MAST4: variants seen among roughly 807,000 people sequenced by gnomAD.
MAST4 encodes the protein microtubule associated serine/threonine kinase family member 4, also known as microtubule-associated serine/threonine-protein kinase 4.
In MAST4, 89 loss-of-function variants were observed where a neutral mutation model predicts 162.7. The observed-to-expected ratio is 0.55, with a 90% CI of 0.46 to 0.65. MAST4 has a LOEUF of 0.65. Ranked by LOEUF, MAST4 falls within the 30% of genes least tolerant of loss-of-function variation. The pLI is 0.00. For missense variants in MAST4, 3,153 were observed against 3,374.0 expected, an observed-to-expected ratio of 0.93 and a Z score of 1.62; for synonymous variants, 1,479 against 1,361.1, an observed-to-expected ratio of 1.09 and a Z score of -1.91.
chr5:66,989,395 G>A (rs1047713686), intron 4 of MAST4, among the ~76,000 whole-genome samples: 1 of 152,316 alleles, frequency 6.6e-6, no homozygotes, highest in East Asian at 1.9e-4. Flanking sequence ...TGTCTTCAGA[G>A]TGGTTTGACC....
chr5:66,936,404 G>A (rs1485144855), intron 4 of MAST4, among the ~76,000 whole-genome samples: 1 of 152,190 alleles, frequency 6.6e-6, no homozygotes, highest in East Asian at 1.9e-4. Context: ...GGCTTTGTGT[G>A]AGCAATAAAG....
chr5:67,113,371 A>G (rs892206359), intron 11 of MAST4, among the ~76,000 whole-genome samples: 3 of 151,462 alleles, frequency 2.0e-5, no homozygotes, highest in Admixed American at 6.6e-5. Context: ...TGACAGTATC[A>G]TAACATCCAT....
intron 4 of MAST4, among the ~76,000 whole-genome samples, chr5:67,042,468 GGAAAA>G (rs1756867470): frequency 6.6e-6 from 1 of 151,508 alleles, no homozygotes; most frequent in Admixed American, 6.6e-5. Flanking sequence ...ATGTAAATGA[GGAAAA>G]GAAAAGACAT....
chr5:67,074,738 G>A (rs186944718), intron 5 of MAST4, among the ~76,000 whole-genome samples: 6 of 152,132 alleles, frequency 3.9e-5, no homozygotes, highest in African/African-American at 7.2e-5. Context: ...TTGTATATAC[G>A]TGTATACACT....
intron 3 of MAST4, among the ~76,000 whole-genome samples, chr5:66,867,892 A>G (rs116444658): frequency 4.9e-4 from 75 of 152,356 alleles, no homozygotes; most frequent in Middle Eastern, 3.4e-3. Flanking sequence ...GGAGACTGAT[A>G]TCTCAGTCTG....
intron 1 of MAST4, among the ~76,000 whole-genome samples, chr5:66,655,377 A>G (rs1746480449): frequency 6.6e-6 from 1 of 152,220 alleles, no homozygotes; most frequent in African/African-American, 2.4e-5. Flanking sequence ...TGGAACCAGA[A>G]CCCAGATTTT....
At chr5:66,912,988 A>C (rs1003642515) in intron 4 of MAST4, among the ~76,000 whole-genome samples, 2 of 152,164 alleles carry the variant, frequency 1.3e-5, no homozygotes, top group Non-Finnish European at 2.9e-5. Context: ...CAAAACCACA[A>C]AACAAAACCT....
Position 67,159,925 on chromosome 5 carries a change from G to A in MAST4, c.3649-531G>A, listed in dbSNP as rs146279791. Among the ~76,000 whole-genome samples the A allele has an allele frequency of 2.4e-3, 371 of 152,222 alleles. 4 individuals carry two copies. Among genetic ancestry groups the A allele is most frequent in the African/African-American group, 8.5e-3 (355 of 41,530 alleles). On this transcript the variant is annotated intron_variant, in intron 26 of 28. Transcript: ENST00000403625. ...ATAATTAAAAATAAAAGTCTCATTC[G>A]GTTTTGTTACTCTACAATTTTTAGG...
intron 3 of MAST4, among the ~76,000 whole-genome samples, chr5:66,829,237 A>G (rs1231912948): frequency 3.9e-5 from 6 of 152,006 alleles, no homozygotes; most frequent in South Asian, 4.2e-4. Flanking sequence ...ACTCCTTTCA[A>G]TTCTGGGAAC....
chr5:67,105,695 T>A (rs1022853643), intron 10 of MAST4, among the ~76,000 whole-genome samples: 1 of 152,236 alleles, frequency 6.6e-6, no homozygotes, highest in Non-Finnish European at 1.5e-5. Flanking sequence ...CCTGGCAAAG[T>A]AAAATTGCTA....
At chr5:66,740,090 G>T (rs1453837246) in intron 1 of MAST4, among the ~76,000 whole-genome samples, 1 of 152,188 alleles carries the variant, frequency 6.6e-6, no homozygotes, top group African/African-American at 2.4e-5. Context: ...GGAACTGAGT[G>T]TGGATGTGGG....
At chr5:67,009,681 G>A (rs1232323918) in intron 4 of MAST4, among the ~76,000 whole-genome samples, 1 of 152,160 alleles carries the variant, frequency 6.6e-6, no homozygotes, top group Non-Finnish European at 1.5e-5. Flanking sequence ...AAATGAAGAT[G>A]AGTAGTGGGT....
chr5:66,715,791 T>C lies in MAST4; in HGVS notation c.364-43918T>C, dbSNP rs1028082121. Among the ~76,000 whole-genome samples, 2 of 146,242 alleles carry C rather than the reference T, an allele frequency of 1.4e-5. 1 individual carries two copies. The highest frequency in any genetic ancestry group is 1.4e-4 in the Admixed American group (2 of 14,768). ...GTTGAAATATTGCTTATTCTGACAA[T>C]AAAAATACTCATTTATGGATACAGA... On this transcript the variant is annotated intron_variant, in intron 1 of 28. Transcript: ENST00000403625.
chr5:66,892,748 C>T (rs1450044132), intron 3 of MAST4, among the ~76,000 whole-genome samples: 4 of 152,074 alleles, frequency 2.6e-5, no homozygotes, highest in African/African-American at 7.2e-5. Context: ...CTGACATTGC[C>T]GTGGTGGAGT....
chr5:66,822,422 T>C (rs769021841), intron 3 of MAST4, among the ~76,000 whole-genome samples: 1 of 152,198 alleles, frequency 6.6e-6, no homozygotes, highest in Non-Finnish European at 1.5e-5. Context: ...ATGCCTGGCA[T>C]GGCAATGGAA....
At chr5:66,876,438 A>G (rs745847915) in intron 3 of MAST4, among the ~76,000 whole-genome samples, 21 of 152,242 alleles carry the variant, frequency 1.4e-4, no homozygotes, top group Non-Finnish European at 2.5e-4. Context: ...GGCCAAGAAG[A>G]GGTGGAAGGT....
chr5:66,605,399 A>G (rs1742819519), intron 1 of MAST4, among the ~76,000 whole-genome samples: 1 of 152,228 alleles, frequency 6.6e-6, no homozygotes, highest in Non-Finnish European at 1.5e-5. Flanking sequence ...CATGGCTCTT[A>G]GCAGACTGGT....
At chr5:66,696,967 T>C (rs759799342) in intron 1 of MAST4, among the ~76,000 whole-genome samples, 6 of 152,196 alleles carry the variant, frequency 3.9e-5, no homozygotes, top group Non-Finnish European at 7.3e-5. Flanking sequence ...TTTTAAAAAA[T>C]ATTCTGCGTG....
intron 1 of MAST4, among the ~76,000 whole-genome samples, chr5:66,605,673 G>A (rs1742836070): frequency 6.6e-6 from 1 of 152,136 alleles, no homozygotes; most frequent in Non-Finnish European, 1.5e-5. Flanking sequence ...TGCTTGGGGA[G>A]TGGGACAGTC....
Sources: gnomAD v4.1 joint callset for allele counts (sites outside exome capture counted in the v4.1 genomes callset) on GRCh38, gnomAD v4.1.1 for gene constraint, MANE v1.5 for transcripts, NCBI Gene and HGNC (gene_info 2026-07-23, HGNC 2026-07-21) for gene names.